Variants in ZGRF1 observed in about 807,000 individuals in gnomAD.
ZGRF1 encodes zinc finger GRF-type containing 1.
Under a neutral mutation model 203.5 loss-of-function variants are expected in ZGRF1, and 196 were observed. The ratio of observed to expected loss-of-function variants is 0.96; its 90% CI spans 0.86 to 1.08. ZGRF1 has a LOEUF of 1.08. ZGRF1 is among the 50% of genes least tolerant of loss of function. The probability of loss-of-function intolerance (pLI) is 0.00; values close to 1 mark genes in which losing one functional copy is unlikely to be tolerated. For synonymous variants in ZGRF1, 809 were observed against 841.3 expected (o/e 0.96, Z 0.66); for missense variants, 2,326 against 2,416.3 (o/e 0.96, Z 0.78).
chr4:112,597,051 T>C (rs1484433033), intron 10 of ZGRF1, among the ~76,000 whole-genome samples: 2 of 151,180 alleles, frequency 1.3e-5, no homozygotes, highest in Non-Finnish European at 2.9e-5. Context: ...CTGTCTCCAT[T>C]AAAAATACAA....
intron 2 of ZGRF1, 105 bp from the exon 3 acceptor site, chr4:112,632,115 A>T: frequency 2.0e-6 from 1 of 495,506 alleles, no homozygotes; most frequent in East Asian, 3.6e-5. Context: ...GGCACCTTTC[A>T]TCAAAAAAAG....
At position 112,540,839 on chromosome 4, in the gene ZGRF1, G is replaced by T. The variant is rs752201548; in HGVS notation, c.5892C>A (p.Tyr1964Ter). 1 of 1,595,112 alleles carries T rather than the reference G, an allele frequency of 6.3e-7. No homozygotes were observed. The change falls in exon 26 of 28, where the codon TAC (tyrosine) becomes TAA (stop). Residue 1964 changes from tyrosine (Y) to a stop codon, truncating the protein, a stop_gained. Transcript: ENST00000505019. LOFTEE classifies it high-confidence loss of function. ...TACCAACCTTGTACATCTGGGATTT[G>T]TATAATGTTATCACACCAATCATAG... The part of the protein sequence containing the change: ...AGSMIGVITL[Y>*]KSQMYKLCHL...
rs1428413538 is a variant in ZGRF1 at position 112,605,940 on chromosome 4, T to C, written c.2802+68A>G. 17 of 1,040,470 alleles carry C rather than the reference T, an allele frequency of 1.6e-5. No individual in the cohort carries two copies. The Admixed American group carries it at 3.2e-4, about 20-fold the overall frequency. The allele number at this position is 1,040,470 out of a possible 1,614,324, so 64.5% of individuals were successfully genotyped here. On this transcript the variant is annotated intron_variant, in intron 9 of 27. Transcript: ENST00000505019. ...GAAAACTCTGATACTTGTTTTTTTG[T>C]TTTTTTGTTTTAAACAGAAAAGAAA... is the stretch of plus-strand genomic sequence containing the variant.
chr4:112,554,625 C>T, intron 21 of ZGRF1, 80 bp downstream of exon 21: 1 of 701,248 alleles, frequency 1.4e-6, no homozygotes, highest in Non-Finnish European at 2.5e-6. Context: ...CTTCAAAAAT[C>T]AAACTTAAGG....
chr4:112,565,629 T>A (rs943498538), intron 16 of ZGRF1, among the ~76,000 whole-genome samples: 3 of 151,972 alleles, frequency 2.0e-5, no homozygotes, highest in African/African-American at 7.3e-5. Context: ...GAATCTACGA[T>A]GAACTCCAAC....
Position 112,619,257 on chromosome 4 carries a change from T to A in ZGRF1, c.785A>T (p.Glu262Val). The stretch of plus-strand genomic sequence containing the variant: ...TAGTTCCTCACATGAACTAGATGAT[T>A]CGGACTTCAGAAGAGCTAATATCTG... ...KAQILALLKS[E>V]SSSSCEELNS... is the part of the protein sequence containing the mutation. Residue 262 changes from glutamate to valine, a missense_variant, in exon 6 of 28, where the codon GAA becomes GTA. Glu to Val is a moderately radical substitution (Grantham distance 121, BLOSUM62 -2). Coordinates refer to ENST00000505019, the MANE Select transcript of ZGRF1 (RefSeq NM_018392.5). 6.2e-7 allele frequency: 1 copy of A among 1,613,298 alleles called. No homozygotes were observed. Among genetic ancestry groups the A allele is most frequent in the South Asian group, 1.1e-5 (1 of 91,080 alleles).
intron 16 of ZGRF1, among the ~76,000 whole-genome samples, chr4:112,568,294 C>T (rs545165566): frequency 6.6e-6 from 1 of 151,988 alleles, no homozygotes; most frequent in South Asian, 2.1e-4. Context: ...ATAATGTGCC[C>T]AAGAGGAGAA....
At chr4:112,556,706 CACAA>C (rs948308323) in intron 20 of ZGRF1, among the ~76,000 whole-genome samples, 14 of 152,086 alleles carry the variant, frequency 9.2e-5, no homozygotes, top group African/African-American at 3.4e-4. Context: ...AAAAGCAGGA[CACAA>C]ACAACACATA....
At chr4:112,562,175 C>T in intron 18 of ZGRF1, 196 bp downstream of exon 18, 1 of 441,972 alleles carries the variant, frequency 2.3e-6, no homozygotes, top group East Asian at 4.4e-5. Flanking sequence ...TCCCAAAGTG[C>T]TGGGATTACA....
intron 3 of ZGRF1, 197 bp from the exon 4 acceptor site, chr4:112,624,073 A>G (rs2047149549): frequency 4.9e-6 from 2 of 411,600 alleles, no homozygotes; most frequent in Admixed American, 4.5e-5. Context: ...AAAGGCATAC[A>G]TAAAAGAAAT....
chr4:112,626,774 G>A (rs1293783142), intron 3 of ZGRF1, among the ~76,000 whole-genome samples: 1 of 151,772 alleles, frequency 6.6e-6, no homozygotes, highest in Non-Finnish European at 1.5e-5. Context: ...GAGTGCTTCT[G>A]TGATACTTCA....
intron 10 of ZGRF1, among the ~76,000 whole-genome samples, chr4:112,601,427 A>G (rs1749954000): frequency 6.6e-6 from 1 of 151,858 alleles, no homozygotes; most frequent in African/African-American, 2.4e-5. Flanking sequence ...ACAAGAAATT[A>G]GCCAGGCATG....
At chr4:112,553,329 T>C (rs1740310598) in intron 22 of ZGRF1, among the ~76,000 whole-genome samples, 1 of 152,232 alleles carries the variant, frequency 6.6e-6, no homozygotes, top group Non-Finnish European at 1.5e-5. Flanking sequence ...CCTGGAATCT[T>C]GTGTGCTTAG....
chr4:112,617,305 G>A (rs2046912326), intron 6 of ZGRF1, 135 bp downstream of exon 6: 2 of 574,354 alleles, frequency 3.5e-6, no homozygotes, highest in Non-Finnish European at 5.7e-6. Context: ...ATTAATATTG[G>A]TTTTACCAAG....
chr4:112,587,235 A>T (rs956864430), intron 12 of ZGRF1, 45 bp downstream of exon 12: 1 of 1,523,848 alleles, frequency 6.6e-7, no homozygotes, highest in East Asian at 2.3e-5. Flanking sequence ...AATTCAGACA[A>T]TAACTATTGG....
At chr4:112,563,920 AT>A (rs2148904665) in intron 16 of ZGRF1, among the ~76,000 whole-genome samples, 1 of 152,290 alleles carries the variant, frequency 6.6e-6, no homozygotes, top group East Asian at 1.9e-4. Context: ...CCCATGCAGG[AT>A]TAAGTTATGC....
rs771998938 is a variant in ZGRF1, at chr4:112,618,887, A to C, written c.1155T>G (p.Tyr385Ter). Reference sequence around the variant, plus strand: ...TATTACCGACTGACTGGTCTACATTATACTTTTTCCTCTCTTCAGCATACG... The same window carrying C: ...TATTACCGACTGACTGGTCTACATTCTACTTTTTCCTCTCTTCAGCATACG... Reference protein sequence around the residue: ...VETYAEERKKYNVDQSVGNND... With the variant: ...VETYAEERKK The change falls in exon 6 of 28, where the codon TAT becomes TAG. Residue 385 changes from tyrosine (Y) to a stop codon, truncating the protein, a stop_gained. Transcript: ENST00000505019. LOFTEE classifies it high-confidence loss of function. 3 of 1,613,818 alleles carry C rather than the reference A, an allele frequency of 1.9e-6. No individual in the cohort carries two copies. The highest frequency in any genetic ancestry group is 2.5e-6 in the Non-Finnish European group (3 of 1,179,844).
rs552936066 is a variant in ZGRF1, at chr4:112,594,363, T to C, written c.2977-4489A>G. ...CCTGCACATTTCTAACAAATATCAT[T>C]TGTTACTACTGTTGGGACTCTTTTT... On this transcript the variant is annotated intron_variant, in intron 10 of 27. Transcript: ENST00000505019. Among the ~76,000 whole-genome samples the C allele has an allele frequency of 2.0e-5, 3 of 152,320 alleles. No homozygotes were observed. In the East Asian group the frequency reaches 5.8e-4, roughly 29 times the overall value.
chr4:112,541,645 C>T (rs1737636765), intron 24 of ZGRF1, among the ~76,000 whole-genome samples: 1 of 151,660 alleles, frequency 6.6e-6, no homozygotes. Context: ...TCTTCTGCCT[C>T]AGCCTCCCGA....
Sources: gnomAD v4.1 joint callset for allele counts (sites outside exome capture counted in the v4.1 genomes callset) on GRCh38, gnomAD v4.1.1 for gene constraint, MANE v1.5 for transcripts, NCBI Gene and HGNC (gene_info 2026-07-23, HGNC 2026-07-21) for gene names.